Variants in KCNH1 observed in about 807,000 individuals in gnomAD.
The protein encoded by KCNH1 is potassium voltage-gated channel subfamily H member 1.
In KCNH1, 27 loss-of-function variants were observed where a neutral mutation model predicts 69.2. The ratio of observed to expected loss-of-function variants is 0.39; its 90% CI spans 0.29 to 0.54. The LOEUF (loss-of-function observed/expected upper bound fraction) is 0.54, where lower values mean the gene tolerates loss of function less well. KCNH1 is among the 20% of genes least tolerant of loss of function. The probability of loss-of-function intolerance (pLI) is 0.68; values close to 1 mark genes in which losing one functional copy is unlikely to be tolerated. For missense variants in KCNH1, 798 were observed against 1,261.6 expected (o/e 0.63, Z 5.57); for synonymous variants, 456 against 487.7 (o/e 0.93, Z 0.86).
chr1:210,959,392 G>A (rs1289337556), intron 6 of KCNH1, among the ~76,000 whole-genome samples: 1 of 152,192 alleles, frequency 6.6e-6, no homozygotes, highest in Non-Finnish European at 1.5e-5. Context: ...ACTTGAGGAG[G>A]CAGGCCGTCC....
rs1340087458 is a variant in KCNH1, at chr1:211,104,065, G to A, written c.204-463C>T. The stretch of plus-strand genomic sequence containing the variant: ...CAAGCAACTGCAAAGGCACAGAGGT[G>A]ACAGTCAGATTAATTCCAGACCCTG... On this transcript the variant is annotated intron_variant, in intron 2 of 10. Coordinates refer to ENST00000271751, the MANE Select transcript of KCNH1 (RefSeq NM_172362.3). Among the ~76,000 whole-genome samples the A allele has an allele frequency of 3.3e-5, 5 of 152,192 alleles. No individual in the cohort carries two copies. In the East Asian group the frequency reaches 9.6e-4, roughly 29 times the overall value.
chr1:210,974,169 A>G (rs1688559763), intron 6 of KCNH1, among the ~76,000 whole-genome samples: 1 of 152,104 alleles, frequency 6.6e-6, no homozygotes, highest in Admixed American at 6.6e-5. Flanking sequence ...GTTTTGTTAA[A>G]TGCTCTTTAT....
chr1:210,900,961 G>A (rs1387186564), intron 7 of KCNH1, among the ~76,000 whole-genome samples: 1 of 151,860 alleles, frequency 6.6e-6, no homozygotes, highest in East Asian at 1.9e-4. Flanking sequence ...CAAGACCTTT[G>A]GTAGAAAAGC....
At chr1:210,999,019 T>G (rs1412555857) in intron 6 of KCNH1, among the ~76,000 whole-genome samples, 2 of 152,188 alleles carry the variant, frequency 1.3e-5, no homozygotes, top group Non-Finnish European at 2.9e-5. Context: ...AAGCAGTGTG[T>G]AGAGGGAAAT....
At chr1:210,994,577 C>T (rs775972685) in intron 6 of KCNH1, among the ~76,000 whole-genome samples, 1 of 152,168 alleles carries the variant, frequency 6.6e-6, no homozygotes, top group Non-Finnish European at 1.5e-5. Context: ...TAGAGAAAAG[C>T]ACCAGGTTCA....
In KCNH1 at chr1:211,032,930, G is replaced by C. The variant is rs540496717; in HGVS notation, c.559-13674C>G. ...ACAAATGGGATCTAATTAAACTAAA[G>C]AGCTTCTGCACAGCAAAAGAAACTA... On this transcript the variant is annotated intron_variant, in intron 5 of 10. Transcript: ENST00000271751. Among the ~76,000 whole-genome samples the C allele has an allele frequency of 1.5e-3, 227 of 152,234 alleles. 2 individuals carry two copies. Among genetic ancestry groups the C allele is most frequent in the African/African-American group, 5.3e-3 (219 of 41,538 alleles).
In KCNH1 at chr1:210,684,151, A is replaced by G; in HGVS notation, c.2113-13T>C. On this transcript the variant is annotated splice_polypyrimidine_tract_variant and intron_variant, in intron 10 of 10. Transcript: ENST00000271751. ...TCCGGAACACAATCTGGAGAGAGAG[A>G]GAGAGAGAATGACATGGCGTGTTAG... is the stretch of plus-strand genomic sequence containing the variant. 1 of 1,500,724 alleles carries G rather than the reference A, an allele frequency of 6.7e-7. No homozygotes were observed. The allele number at this position is 1,500,724 out of a possible 1,614,324, so 93.0% of individuals were successfully genotyped here. A position where few individuals can be genotyped will look rare whatever the true frequency, so the allele number is the denominator to read the frequency against.
chr1:210,826,825 A>T (rs1487455839), intron 7 of KCNH1, among the ~76,000 whole-genome samples: 2 of 152,190 alleles, frequency 1.3e-5, no homozygotes. Flanking sequence ...TGTGTGCAGA[A>T]CCCAGTGAGC....
intron 5 of KCNH1, among the ~76,000 whole-genome samples, chr1:211,064,319 G>A (rs1690489252): frequency 6.6e-6 from 1 of 152,232 alleles, no homozygotes; most frequent in South Asian, 2.1e-4. Flanking sequence ...CCAACACTTT[G>A]GGAGGCCAAG....
intron 10 of KCNH1, among the ~76,000 whole-genome samples, chr1:210,742,865 G>A (rs548577176): frequency 1.9e-4 from 29 of 152,248 alleles, no homozygotes; most frequent in South Asian, 1.5e-3. Flanking sequence ...GTGCGCGCGC[G>A]CGTGCACGTG....
chr1:210,701,091 C>T (rs140742144), intron 10 of KCNH1, among the ~76,000 whole-genome samples: 6,171 of 152,242 alleles, frequency 0.041, 210 homozygotes, highest in Non-Finnish European at 0.068. Flanking sequence ...GCGCCCGCCA[C>T]CACGCCTGGC....
intron 10 of KCNH1, among the ~76,000 whole-genome samples, chr1:210,708,493 G>C (rs1029042210): frequency 3.9e-5 from 6 of 151,928 alleles, no homozygotes; most frequent in Non-Finnish European, 7.4e-5. Context: ...TATTTACATA[G>C]AGTCCGTAAA....
intron 7 of KCNH1, among the ~76,000 whole-genome samples, chr1:210,847,381 A>C (rs1196612514): frequency 2.0e-5 from 3 of 152,196 alleles, no homozygotes; most frequent in Admixed American, 2.0e-4. Flanking sequence ...ACATATTCAC[A>C]ATGGAATACT....
chr1:210,812,368 C>T (rs748003557), intron 7 of KCNH1, among the ~76,000 whole-genome samples: 1 of 152,140 alleles, frequency 6.6e-6, no homozygotes, highest in Non-Finnish European at 1.5e-5. Context: ...ATCCTGCCAC[C>T]CTGAGGTTTC....
intron 6 of KCNH1, among the ~76,000 whole-genome samples, chr1:210,978,277 A>T (rs7556274): frequency 0.08 from 12,217 of 152,132 alleles, 1,354 homozygotes; most frequent in African/African-American, 0.25. Context: ...TGACCTCGTG[A>T]TCTGCCTGCC....
intron 3 of KCNH1, among the ~76,000 whole-genome samples, chr1:211,093,804 G>A (rs1164713730): frequency 1.3e-5 from 2 of 152,116 alleles, no homozygotes; most frequent in Non-Finnish European, 2.9e-5. Flanking sequence ...TTTTTCCTAG[G>A]TTGGTTGGTA....
At chr1:210,931,302 G>A (rs1687676189) in intron 6 of KCNH1, among the ~76,000 whole-genome samples, 1 of 152,054 alleles carries the variant, frequency 6.6e-6, no homozygotes, top group Non-Finnish European at 1.5e-5. Flanking sequence ...AAGAAAATGT[G>A]GTGAATATAT....
Position 211,073,218 on chromosome 1 carries a change from A to G in KCNH1, c.558+9562T>C, listed in dbSNP as rs140552448. The stretch of plus-strand genomic sequence containing the variant: ...ACATCTAACAATAGAGCATCAAAAA[A>G]TGTCAGGAAAAAATTGATACAACTG... On this transcript the variant is annotated intron_variant, in intron 5 of 10. Transcript: ENST00000271751. 5.3e-3 allele frequency among the ~76,000 whole-genome samples: 801 copies of G among 152,332 alleles called. 5 individuals carry two copies. Among genetic ancestry groups the G allele is most frequent in the Non-Finnish European group, 7.8e-3 (530 of 68,012 alleles).
chr1:211,069,338 A>T (rs1690592014), intron 5 of KCNH1, among the ~76,000 whole-genome samples: 1 of 142,114 alleles, frequency 7.0e-6, no homozygotes, highest in Admixed American at 7.7e-5. Flanking sequence ...AGCACATGAC[A>T]GCTGACTTTC....
Sources: allele counts gnomAD v4.1 joint callset (sites outside exome capture counted in the v4.1 genomes callset), GRCh38; gene constraint gnomAD v4.1.1; transcripts MANE v1.5; gene names NCBI Gene and HGNC (gene_info 2026-07-23, HGNC 2026-07-21).